The following TSTD2 variants were observed in gnomAD, a reference collection of about 807,000 sequenced individuals.
TSTD2 encodes thiosulfate sulfurtransferase/rhodanese-like domain-containing protein 2.
In TSTD2, 37 loss-of-function variants were observed where a neutral mutation model predicts 47.9. That is an observed-to-expected ratio of 0.77 (90% confidence interval 0.59 to 1.02). The LOEUF (loss-of-function observed/expected upper bound fraction) is 1.02. Among genes scored for constraint, TSTD2 ranks in the 50% least tolerant of loss-of-function variants. TSTD2 has a pLI of 0.00. For missense variants in TSTD2, 586 were observed against 616.0 expected (o/e 0.95, Z 0.52); for synonymous variants, 201 against 215.9 (o/e 0.93, Z 0.61).
At position 97,602,365 on chromosome 9, in the gene TSTD2, G is replaced by C. The variant is rs1011196296; in HGVS notation, c.*104C>G. 4 of 1,382,214 alleles carry C rather than the reference G, an allele frequency of 2.9e-6. No homozygotes were observed. Among genetic ancestry groups the C allele is most frequent in the Non-Finnish European group, 3.8e-6 (4 of 1,040,288 alleles). The allele number at this position is 1,382,214 out of a possible 1,614,324, so 85.6% of individuals were successfully genotyped here. A position where few individuals can be genotyped will look rare whatever the true frequency, so the allele number is the denominator to read the frequency against. On this transcript the variant is annotated 3_prime_UTR_variant, in exon 10 of 10. Transcript: ENST00000341170. ...TGCCACGGTGGCAGCGGCCAGAACT[G>C]AAGTTCCCGATTTCTCTGTTTCTGC...
Position 97,602,553 on chromosome 9 carries a change from AGGTATGC to A in TSTD2, c.1460_1466del (p.Arg487LeufsTer12). 6.2e-7 allele frequency: 1 copy of A among 1,614,164 alleles called. No individual in the cohort carries two copies. Among genetic ancestry groups the A allele is most frequent in the South Asian group, 1.1e-5 (1 of 91,084 alleles). ...GTCGCACATGCTGCAAGAGTTCCCT[AGGTATGC>A]GTGGCCGTCGGGCTGTGCACTCGCA... is the stretch of plus-strand genomic sequence containing the variant. On this transcript the variant is annotated frameshift_variant, in exon 10 of 10. Transcript: ENST00000341170. LOFTEE classifies it low-confidence loss of function (END_TRUNC).
chr9:97,605,389 G>GGAGTAGTGGGGGCAGC, intron 8 of TSTD2, 94 bp downstream of exon 8: 1 of 1,490,942 alleles, frequency 6.7e-7, no homozygotes. Flanking sequence ...CTGGGGGTGG[G>GGAGTAGTGGGGGCAGC]GAGTACTGGG....
Position 97,601,171 on chromosome 9 carries a change from T to C in TSTD2, c.*1298A>G, listed in dbSNP as rs558685739. 72 of 1,300,556 alleles carry C rather than the reference T, an allele frequency of 5.5e-5. 2 individuals are homozygous for C. The South Asian group carries it at 8.3e-4, about 15-fold the overall frequency. The allele number at this position is 1,300,556 out of a possible 1,614,324, so 80.6% of individuals were successfully genotyped here. ...ATGTTGCAGGGACAACCATCCCCAT[T>C]TGGCTTCTCCTTAAAACACAATTGC... On this transcript the variant is annotated 3_prime_UTR_variant, in exon 10 of 10. Coordinates refer to ENST00000341170, the MANE Select transcript of TSTD2 (RefSeq NM_139246.5).
chr9:97,602,864 G>A, intron 9 of TSTD2, 97 bp from the exon 10 acceptor site: 3 of 1,294,470 alleles, frequency 2.3e-6, no homozygotes, highest in South Asian at 1.6e-5. Context: ...CGTAGATCCT[G>A]TGGAACCCGG....
rs764622100 is a variant in TSTD2, at chr9:97,600,421, A to ATTT, written c.*2045_*2047dup. The ATTT allele has an allele frequency of 5.9e-5, 58 of 985,606 alleles. No homozygotes were observed. The highest frequency in any genetic ancestry group is 6.0e-5 in the Non-Finnish European group (50 of 830,100). 61.1% of individuals were successfully genotyped at this position (985,606 alleles called of 1,614,324 possible). A position where few individuals can be genotyped will look rare whatever the true frequency, so the allele number is the denominator to read the frequency against. On this transcript the variant is annotated 3_prime_UTR_variant, in exon 10 of 10. Coordinates refer to ENST00000341170, the MANE Select transcript of TSTD2 (RefSeq NM_139246.5). ...TGAGTGTTCTTTAAGAACATTTGGG[A>ATTT]TTTATGTACAATTTAATACTGGAGT... is the stretch of plus-strand genomic sequence containing the variant.
chr9:97,616,250 G>C (rs955920810), intron 4 of TSTD2, among the ~76,000 whole-genome samples: 1 of 152,152 alleles, frequency 6.6e-6, no homozygotes, highest in East Asian at 1.9e-4. Context: ...AGTATAATGA[G>C]CAAAGAACAG....
intron 6 of TSTD2, 63 bp from the exon 7 acceptor site, chr9:97,606,324 C>A: frequency 1.1e-6 from 1 of 922,908 alleles, no homozygotes; most frequent in Non-Finnish European, 1.7e-6. Flanking sequence ...CCAATCATGA[C>A]TCACCCAGCC....
intron 6 of TSTD2, 114 bp from the exon 7 acceptor site, chr9:97,606,375 T>C: frequency 3.2e-6 from 2 of 625,706 alleles, no homozygotes; most frequent in Non-Finnish European, 5.6e-6. Context: ...CCAAATCTCT[T>C]CTCTTCATAA....
intron 1 of TSTD2, among the ~76,000 whole-genome samples, chr9:97,628,872 A>G (rs191420030): frequency 7.2e-5 from 11 of 152,304 alleles, no homozygotes; most frequent in Non-Finnish European, 1.3e-4. Flanking sequence ...GGAGAGGAAC[A>G]GAGGCCTCCA....
chr9:97,603,925 A>G (rs901962308), intron 9 of TSTD2: 2 of 152,234 alleles, frequency 1.3e-5, no homozygotes, highest in African/African-American at 4.8e-5. Flanking sequence ...TCCAGGGCTC[A>G]AGTGATCCTC....
At chr9:97,631,442 T>A (rs1826809122) in intron 1 of TSTD2, among the ~76,000 whole-genome samples, 1 of 152,034 alleles carries the variant, frequency 6.6e-6, no homozygotes, top group South Asian at 2.1e-4. Context: ...TGAAGTACAA[T>A]CCAATCAGAT....
intron 8 of TSTD2, 132 bp from the exon 9 acceptor site, chr9:97,604,997 T>C (rs1355410745): frequency 5.5e-6 from 8 of 1,445,852 alleles, no homozygotes; most frequent in Non-Finnish European, 7.3e-6. Context: ...CAGGGGCTCC[T>C]GGCTCCCACT....
intron 6 of TSTD2, chr9:97,610,109 C>T: frequency 3.0e-6 from 1 of 336,314 alleles, no homozygotes; most frequent in Non-Finnish European, 5.5e-6. Flanking sequence ...GAGCAAACAA[C>T]TAATTGATAA....
chr9:97,624,143 C>T (rs1263089096), intron 3 of TSTD2, among the ~76,000 whole-genome samples: 1 of 152,140 alleles, frequency 6.6e-6, no homozygotes, highest in African/African-American at 2.4e-5. Flanking sequence ...GGTATTTAGA[C>T]CCTTGCATAG....
rs201932721 is a variant in TSTD2, at chr9:97,629,192, A to C, written c.-50-1580T>G. On this transcript the variant is annotated intron_variant, in intron 1 of 9. Transcript: ENST00000341170. ...GGAAGGTGGGAGACACTGGTGACAAACTTTGCCAATTCACAACTCTGCCTA... is the reference window on the plus strand; with the variant it reads ...GGAAGGTGGGAGACACTGGTGACAACCTTTGCCAATTCACAACTCTGCCTA... 6.6e-5 allele frequency among the ~76,000 whole-genome samples: 10 copies of C among 152,314 alleles called. No individual in the cohort carries two copies. The East Asian group carries it at 1.9e-3, about 29-fold the overall frequency.
intron 5 of TSTD2, 71 bp from the exon 6 acceptor site, chr9:97,610,522 T>A (rs749354666): frequency 5.1e-5 from 58 of 1,142,908 alleles, no homozygotes; most frequent in Non-Finnish European, 2.2e-5. Context: ...AGTGCCAATA[T>A]AAGAATGATG....
intron 9 of TSTD2, among the ~76,000 whole-genome samples, chr9:97,603,544 C>T (rs1826308641): frequency 1.3e-5 from 2 of 152,146 alleles, no homozygotes; most frequent in Admixed American, 1.3e-4. Context: ...CTCAAAACCA[C>T]TAAAATGAAA....
chr9:97,609,354 A>G (rs1826419734), intron 6 of TSTD2, among the ~76,000 whole-genome samples: 1 of 152,190 alleles, frequency 6.6e-6, no homozygotes, highest in South Asian at 2.1e-4. Context: ...AGAGAAATAT[A>G]TCTTGGGAAT....
chr9:97,632,889 G>A (rs1430835528), intron 1 of TSTD2, among the ~76,000 whole-genome samples: 1 of 152,216 alleles, frequency 6.6e-6, no homozygotes, highest in Non-Finnish European at 1.5e-5. Context: ...GGCCGGGAGA[G>A]TGAAATTTCA....
Sources: gnomAD v4.1 joint callset for allele counts (sites outside exome capture counted in the v4.1 genomes callset) on GRCh38, gnomAD v4.1.1 for gene constraint, MANE v1.5 for transcripts, NCBI Gene and HGNC (gene_info 2026-07-23, HGNC 2026-07-21) for gene names.